Variants in CCDC141 observed in about 807,000 individuals in gnomAD.
The protein encoded by CCDC141 is coiled-coil domain-containing protein 141.
In CCDC141, 168 loss-of-function variants were observed where a neutral mutation model predicts 181.0. That is an observed-to-expected ratio of 0.93 (90% confidence interval 0.82 to 1.05). The LOEUF is 1.05. Among genes scored for constraint, CCDC141 ranks in the 50% least tolerant of loss-of-function variants. CCDC141 has a pLI of 0.00. For missense variants in CCDC141, 1,902 were observed against 1,788.5 expected (o/e 1.06, Z -1.14); for synonymous variants, 666 against 642.3 (o/e 1.04, Z -0.56).
intron 6 of CCDC141, among the ~76,000 whole-genome samples, chr2:178,930,133 A>G (rs1332227942): frequency 1.3e-5 from 2 of 150,840 alleles, no homozygotes; most frequent in Non-Finnish European, 3.0e-5. Flanking sequence ...AATCAACGTT[A>G]AAAAAAAATC....
intron 2 of CCDC141, among the ~76,000 whole-genome samples, chr2:179,005,533 C>A (rs1559042357): frequency 1.3e-5 from 2 of 152,084 alleles, no homozygotes; most frequent in Non-Finnish European, 2.9e-5. Context: ...TATAAACAAT[C>A]TTTTTACCAG....
intron 2 of CCDC141, among the ~76,000 whole-genome samples, chr2:179,036,917 A>G (rs2043161162): frequency 6.6e-6 from 1 of 152,238 alleles, no homozygotes; most frequent in Admixed American, 6.5e-5. Context: ...AATCAGGGTG[A>G]GGGAAGGATA....
At chr2:178,923,796 T>G (rs1688810394) in intron 6 of CCDC141, among the ~76,000 whole-genome samples, 1 of 152,206 alleles carries the variant, frequency 6.6e-6, no homozygotes. Context: ...TAACTGTACC[T>G]TTCAGTATTC....
At chr2:179,013,960 C>CAAAAAAAAAAAAAAAAA (rs59851189) in intron 2 of CCDC141, among the ~76,000 whole-genome samples, 1 of 46,858 alleles carries the variant, frequency 2.1e-5, no homozygotes, top group African/African-American at 1.0e-4. Context: ...GACTCCATCT[C>CAAAAAAAAAAAAAAAAA]AAAAAAAAAA....
chr2:179,040,250 G>A (rs542090376), intron 2 of CCDC141, among the ~76,000 whole-genome samples: 16 of 152,182 alleles, frequency 1.1e-4, no homozygotes, highest in Admixed American at 2.6e-4. Flanking sequence ...AAAGCCTAAA[G>A]TCCAGAGAAC....
At chr2:178,970,932 G>A (rs543757198) in intron 4 of CCDC141, among the ~76,000 whole-genome samples, 42 of 152,224 alleles carry the variant, frequency 2.8e-4, no homozygotes, top group South Asian at 6.2e-4. Context: ...GACAAAGGCC[G>A]GGCACAGTGG....
rs778170864 is a variant in CCDC141 at position 178,837,141 on chromosome 2, C to T, written c.4078G>A (p.Asp1360Asn). The stretch of plus-strand genomic sequence containing the variant: ...GCATCAGAGGAAGCATGCAGCCTAT[C>T]TTGGGTTTTAGTGAAGTTATTATCA... ...HADNNFTKTQ[D>N]RLHASSDAFS... The change falls in exon 23 of 24, where the codon GAT becomes AAT. Residue 1360 changes from aspartate (D) to asparagine (N), a missense_variant. Coordinates refer to ENST00000443758, the MANE Select transcript of CCDC141 (RefSeq NM_173648.4). 1 of 1,613,916 alleles carries T rather than the reference C, an allele frequency of 6.2e-7. No individual in the cohort carries two copies. The highest frequency in any genetic ancestry group is 8.5e-7 in the Non-Finnish European group (1 of 1,179,956).
intron 8 of CCDC141, among the ~76,000 whole-genome samples, chr2:178,891,753 A>G (rs1426959400): frequency 6.7e-6 from 1 of 149,148 alleles, no homozygotes; most frequent in African/African-American, 2.5e-5. Context: ...ATTTAGGTGA[A>G]TTACAACCAA....
chr2:178,973,807 A>G (rs1691004782), intron 4 of CCDC141, among the ~76,000 whole-genome samples: 1 of 152,156 alleles, frequency 6.6e-6, no homozygotes, highest in South Asian at 2.1e-4. Flanking sequence ...TGTTGGTTGA[A>G]AGAAGATTGA....
At chr2:178,993,185 C>T (rs768747210) in intron 2 of CCDC141, among the ~76,000 whole-genome samples, 8 of 152,108 alleles carry the variant, frequency 5.3e-5, no homozygotes, top group African/African-American at 9.7e-5. Context: ...TAAGCCATTG[C>T]TATTTTGGGG....
rs1223023348 is a variant in CCDC141, at chr2:178,845,755, A to G, written c.3358-13T>C. ...AAACATCTCCCTGCTGTACAAAGCA[A>G]CAGTTAGTGAGAGCATGAGCCAGGA... On this transcript the variant is annotated splice_polypyrimidine_tract_variant and intron_variant, in intron 21 of 23. Coordinates refer to ENST00000443758, the MANE Select transcript of CCDC141 (RefSeq NM_173648.4). The G allele has an allele frequency of 2.0e-6, 3 of 1,489,898 alleles. No individual in the cohort carries two copies. The Admixed American group carries it at 5.0e-5, about 25-fold the overall frequency. The allele number at this position is 1,489,898 out of a possible 1,614,324, so 92.3% of individuals were successfully genotyped here.
At chr2:178,971,197 G>A (rs113882354) in intron 4 of CCDC141, among the ~76,000 whole-genome samples, 2,193 of 152,118 alleles carry the variant, frequency 0.014, 54 homozygotes, top group African/African-American at 0.05. Flanking sequence ...GGCAAAGCGA[G>A]ACTCCACCTC....
chr2:178,922,247 T>G lies in CCDC141; in HGVS notation c.898-3340A>C, dbSNP rs77949756. ...TCATTTAATTTTTATCATATCCTTATGAGGTAGGAACTGTTATTATCTTCA... is the reference window on the plus strand; with the variant it reads ...TCATTTAATTTTTATCATATCCTTAGGAGGTAGGAACTGTTATTATCTTCA... On this transcript the variant is annotated intron_variant, in intron 6 of 23. Coordinates refer to ENST00000443758, the MANE Select transcript of CCDC141 (RefSeq NM_173648.4). 4.3e-3 allele frequency among the ~76,000 whole-genome samples: 662 copies of G among 152,334 alleles called. 17 individuals carry two copies. In the East Asian group the frequency reaches 0.074, roughly 17 times the overall value.
intron 21 of CCDC141, among the ~76,000 whole-genome samples, chr2:178,848,881 G>C: frequency 6.6e-6 from 1 of 152,122 alleles, no homozygotes; most frequent in East Asian, 1.9e-4. Context: ...ATACATATTA[G>C]AAATATTAAT....
At chr2:179,039,495 T>C (rs2154388004) in intron 2 of CCDC141, among the ~76,000 whole-genome samples, 1 of 152,278 alleles carries the variant, frequency 6.6e-6, no homozygotes, top group South Asian at 2.1e-4. Flanking sequence ...AAATTTTCTT[T>C]TTAGGTGTGT....
At chr2:178,856,492 CAT>C (rs1685393622) in intron 17 of CCDC141, 95 bp from the exon 18 acceptor site, 20 of 885,114 alleles carry the variant, frequency 2.3e-5, no homozygotes, top group African/African-American at 3.3e-5. Context: ...TCAAAATACT[CAT>C]AATCTTAAAA....
At chr2:178,977,268 C>T (rs1477378582) in intron 3 of CCDC141, among the ~76,000 whole-genome samples, 1 of 152,214 alleles carries the variant, frequency 6.6e-6, no homozygotes, top group East Asian at 1.9e-4. Context: ...AGAAAATAAG[C>T]TACATTAACA....
intron 2 of CCDC141, among the ~76,000 whole-genome samples, chr2:178,986,160 A>G (rs1483200046): frequency 6.6e-6 from 1 of 152,226 alleles, no homozygotes; most frequent in African/African-American, 2.4e-5. Flanking sequence ...GGCTGGTTCA[A>G]TATACGCAAA....
chr2:179,027,365 C>T (rs938764403), intron 2 of CCDC141, among the ~76,000 whole-genome samples: 17 of 152,108 alleles, frequency 1.1e-4, no homozygotes, highest in African/African-American at 4.1e-4. Context: ...GAGTTTCCGG[C>T]CAGGCATGGT....
Sources: gnomAD v4.1 joint callset for allele counts (sites outside exome capture counted in the v4.1 genomes callset) on GRCh38, gnomAD v4.1.1 for gene constraint, MANE v1.5 for transcripts, NCBI Gene and HGNC (gene_info 2026-07-23, HGNC 2026-07-21) for gene names.